CHL1: variants seen among roughly 807,000 people sequenced by gnomAD.
CHL1 encodes cell adhesion molecule L1 like, also known as neural cell adhesion molecule L1-like protein.
In CHL1, 96 loss-of-function variants were observed where a neutral mutation model predicts 141.9. The observed-to-expected ratio is 0.68, with a 90% CI of 0.57 to 0.80. The LOEUF is 0.80. CHL1 is among the 30% of genes least tolerant of loss of function. The pLI is 0.00. For synonymous variants in CHL1, 613 were observed against 502.2 expected (o/e 1.22, Z -2.95); for missense variants, 1,820 against 1,457.2 (o/e 1.25, Z -4.05).
At chr3:272,956 C>T (rs1695771191) in intron 2 of CHL1, among the ~76,000 whole-genome samples, 1 of 152,086 alleles carries the variant, frequency 6.6e-6, no homozygotes, top group African/African-American at 2.4e-5. Flanking sequence ...AATGAAGGGC[C>T]ACCTAGGGAT....
chr3:392,910 T>G (rs1364685838), intron 23 of CHL1, among the ~76,000 whole-genome samples: 31 of 152,062 alleles, frequency 2.0e-4, no homozygotes. Context: ...AAATAAGAAA[T>G]CTATTAGAAA....
At chr3:266,855 A>G (rs1404823187) in intron 2 of CHL1, among the ~76,000 whole-genome samples, 1 of 152,168 alleles carries the variant, frequency 6.6e-6, no homozygotes, top group Non-Finnish European at 1.5e-5. Context: ...TTGTGATATT[A>G]CAACAATAGT....
At position 406,924 on chromosome 3, in the gene CHL1, G is replaced by GA. The variant is rs1215587784; in HGVS notation, c.*1218dup. On this transcript the variant is annotated 3_prime_UTR_variant, in exon 28 of 28. Coordinates refer to ENST00000256509, the MANE Select transcript of CHL1 (RefSeq NM_006614.4). Reference sequence around the variant, plus strand: ...GTACATCTACCCCAGCCCCTCAAAAGAAAAACTGTTTACATAGAAATTCCT... The same window carrying GA: ...GTACATCTACCCCAGCCCCTCAAAAGAAAAAACTGTTTACATAGAAATTCCT... 1 of 152,058 alleles carries GA rather than the reference G, an allele frequency of 6.6e-6. No homozygotes were observed. Among genetic ancestry groups the GA allele is most frequent in the East Asian group, 1.9e-4 (1 of 5,192 alleles). The allele number at this position is 152,058 out of a possible 1,614,324, so 9.4% of individuals were successfully genotyped here. A position where few individuals can be genotyped will look rare whatever the true frequency, so the allele number is the denominator to read the frequency against.
intron 1 of CHL1, among the ~76,000 whole-genome samples, chr3:239,557 T>A (rs1329392617): frequency 6.6e-6 from 1 of 150,688 alleles, no homozygotes; most frequent in African/African-American, 2.4e-5. Context: ...GTAGCTTTAA[T>A]GCATTCATTC....
chr3:298,515 C>A (rs143637874), intron 2 of CHL1, among the ~76,000 whole-genome samples: 363 of 152,234 alleles, frequency 2.4e-3, no homozygotes, highest in Middle Eastern at 3.4e-3. Flanking sequence ...ACTTGCATAG[C>A]TTTTTCCAGG....
chr3:314,329 G>GTATATATATATATATATATATA (rs56292297), intron 2 of CHL1, among the ~76,000 whole-genome samples: 2 of 65,342 alleles, frequency 3.1e-5, no homozygotes, highest in Non-Finnish European at 6.0e-5. Flanking sequence ...CTCTCTATGT[G>GTATATATATATATATATATATA]TATATATATA....
intron 15 of CHL1, among the ~76,000 whole-genome samples, chr3:376,868 A>G (rs888252025): frequency 3.3e-5 from 5 of 152,166 alleles, no homozygotes; most frequent in African/African-American, 1.2e-4. Flanking sequence ...TCTTTCTATT[A>G]TTGGTGTAGG....
At chr3:244,524 T>C (rs561723291) in intron 1 of CHL1, 89 bp from the exon 2 acceptor site, 2 of 152,086 alleles carry the variant, frequency 1.3e-5, no homozygotes, top group Non-Finnish European at 2.9e-5. Flanking sequence ...ATTAAATCCA[T>C]TTTTTTAAAC....
chr3:210,158 G>T (rs1383315161), intron 1 of CHL1, among the ~76,000 whole-genome samples: 1 of 152,202 alleles, frequency 6.6e-6, no homozygotes, highest in Non-Finnish European at 1.5e-5. Context: ...GTGTAGCTAA[G>T]GGGAGAAATG....
chr3:253,990 C>T (rs1344565176), intron 2 of CHL1, among the ~76,000 whole-genome samples: 6 of 151,198 alleles, frequency 4.0e-5, no homozygotes, highest in Admixed American at 2.0e-4. Flanking sequence ...CTCCATTTTA[C>T]GAATGCACAA....
chr3:340,062 T>G (rs556929426), intron 5 of CHL1, among the ~76,000 whole-genome samples: 2 of 152,164 alleles, frequency 1.3e-5, no homozygotes, highest in Non-Finnish European at 2.9e-5. Context: ...ATATTAAACT[T>G]TGGTGTTAGA....
intron 1 of CHL1, among the ~76,000 whole-genome samples, chr3:235,201 A>T (rs958435232): frequency 6.6e-6 from 1 of 152,014 alleles, no homozygotes; most frequent in African/African-American, 2.4e-5. Flanking sequence ...TCTTGCGGCC[A>T]TAAAGAACAA....
intron 1 of CHL1, among the ~76,000 whole-genome samples, chr3:210,341 T>C (rs1699804092): frequency 6.6e-6 from 1 of 152,212 alleles, no homozygotes; most frequent in Admixed American, 6.5e-5. Context: ...TAGGCAGGGC[T>C]CCGCTGGGTG....
At chr3:377,988 G>T (rs1200150759) in intron 16 of CHL1, 46 bp downstream of exon 16, 1 of 1,523,040 alleles carries the variant, frequency 6.6e-7, no homozygotes, top group Non-Finnish European at 8.9e-7. Flanking sequence ...CTTCATTTCT[G>T]ATTAAATCCC....
intron 2 of CHL1, among the ~76,000 whole-genome samples, chr3:308,272 T>C (rs1351496728): frequency 6.6e-6 from 1 of 152,210 alleles, no homozygotes; most frequent in East Asian, 1.9e-4. Context: ...GAAGGATTTA[T>C]TATGTGTATT....
chr3:275,098 A>C (rs569636582), intron 2 of CHL1, among the ~76,000 whole-genome samples: 31 of 152,330 alleles, frequency 2.0e-4, no homozygotes, highest in African/African-American at 7.5e-4. Flanking sequence ...TCATTCTTGA[A>C]ACAGCCTGTG....
intron 2 of CHL1, among the ~76,000 whole-genome samples, chr3:257,992 G>A (rs909475309): frequency 6.6e-6 from 1 of 152,202 alleles, no homozygotes; most frequent in African/African-American, 2.4e-5. Flanking sequence ...GGAAGAGGCA[G>A]CATGTTCGGT....
intron 1 of CHL1, among the ~76,000 whole-genome samples, chr3:225,703 C>G (rs1001349860): frequency 6.6e-6 from 1 of 151,968 alleles, no homozygotes; most frequent in Non-Finnish European, 1.5e-5. Flanking sequence ...TAAAATCAAG[C>G]GAGGAACAGT....
At position 293,612 on chromosome 3, in the gene CHL1, AT is replaced by A. The variant is rs940390334; in HGVS notation, c.-94-26070del. 2.9e-4 allele frequency among the ~76,000 whole-genome samples: 44 copies of A among 152,198 alleles called. 1 individual carries two copies. Among genetic ancestry groups the A allele is most frequent in the Non-Finnish European group, 7.3e-5 (5 of 68,032 alleles). On this transcript the variant is annotated intron_variant, in intron 2 of 27. Transcript: ENST00000256509. ...ATACATATGGAACATTTATTTAGAA[AT>A]CAAAGACCCAGCGTCATACGTTCTA...
Sources: gnomAD v4.1 joint callset for allele counts (sites outside exome capture counted in the v4.1 genomes callset) on GRCh38, gnomAD v4.1.1 for gene constraint, MANE v1.5 for transcripts, NCBI Gene and HGNC (gene_info 2026-07-23, HGNC 2026-07-21) for gene names.